FAM120B: variants seen among roughly 807,000 people sequenced by gnomAD.
FAM120B encodes constitutive coactivator of peroxisome proliferator-activated receptor gamma.
A neutral mutation model predicts 96.3 loss-of-function variants in FAM120B; 83 were observed. The ratio of observed to expected loss-of-function variants is 0.86; its 90% confidence interval spans 0.72 to 1.03. FAM120B has a LOEUF of 1.03. Among genes scored for constraint, FAM120B ranks in the 50% least tolerant of loss-of-function variants. FAM120B has a pLI of 0.00. For missense variants in FAM120B, 1,027 were observed against 1,121.2 expected (o/e 0.92, Z 1.20); for synonymous variants, 407 against 402.7 (o/e 1.01, Z -0.13).
chr6:170,298,063 C>T (rs1394076434), intron 1 of FAM120B: 1 of 152,162 alleles, frequency 6.6e-6, no homozygotes, highest in Non-Finnish European at 1.5e-5. Flanking sequence ...ACAATGAGTC[C>T]TTTAGTGCCA....
chr6:170,316,272 T>C (rs1784896117), intron 1 of FAM120B, among the ~76,000 whole-genome samples: 2 of 152,190 alleles, frequency 1.3e-5, no homozygotes, highest in African/African-American at 2.4e-5. Flanking sequence ...GAGATACCCA[T>C]GTGCTTAGTC....
intron 2 of FAM120B, among the ~76,000 whole-genome samples, chr6:170,321,490 G>C (rs1047456862): frequency 6.6e-6 from 1 of 152,154 alleles, no homozygotes; most frequent in Non-Finnish European, 1.5e-5. Context: ...CAATTCTCCT[G>C]CCTCAGCCTC....
chr6:170,333,517 C>CT lies in FAM120B; in HGVS notation c.2017+2985dup, dbSNP rs568919700. On this transcript the variant is annotated intron_variant, in intron 4 of 10. Coordinates refer to ENST00000476287, the MANE Select transcript of FAM120B (RefSeq NM_032448.3). Reference sequence around the variant, plus strand: ...ATGCATATATTTCTGTGAGCCTCATCTTTTTTTTTTTTTTTTTTGAGACAG... The same window carrying CT: ...ATGCATATATTTCTGTGAGCCTCATCTTTTTTTTTTTTTTTTTTTGAGACAG... Among the ~76,000 whole-genome samples, 1,149 of 138,170 alleles carry CT rather than the reference C, an allele frequency of 8.3e-3. 21 individuals carry two copies. The highest frequency in any genetic ancestry group is 0.039 in the East Asian group (183 of 4,642). The allele number at this position is 138,170 out of a possible 152,430, so 90.6% of individuals were successfully genotyped here. A position where few individuals can be genotyped will look rare whatever the true frequency, so the allele number is the denominator to read the frequency against.
intron 6 of FAM120B, among the ~76,000 whole-genome samples, chr6:170,367,887 A>C (rs1294234107): frequency 1.3e-5 from 2 of 152,058 alleles, no homozygotes. Context: ...CTACACAAAG[A>C]CCCTCGCCAT....
chr6:170,294,113 C>G (rs1045114772), upstream of FAM120B, among the ~76,000 whole-genome samples: 1 of 152,184 alleles, frequency 6.6e-6, no homozygotes, highest in Non-Finnish European at 1.5e-5. This position sits in a 1 kb window ranked among gnomAD's most constrained non-coding sequence, Gnocchi z 7.9. Context: ...ACTAAGCACT[C>G]TGAACCCCAC....
chr6:170,384,580 G>C (rs1015960402), intron 6 of FAM120B, among the ~76,000 whole-genome samples: 3 of 152,172 alleles, frequency 2.0e-5, no homozygotes, highest in African/African-American at 7.2e-5. Flanking sequence ...AGCGCCCCAG[G>C]ATTATTTCCG....
At chr6:170,377,122 G>T (rs1368439905) in intron 6 of FAM120B, among the ~76,000 whole-genome samples, 6 of 113,936 alleles carry the variant, frequency 5.3e-5, no homozygotes, top group Non-Finnish European at 1.0e-4. Flanking sequence ...AATCCCAGAT[G>T]CCTGGGAGAA....
At chr6:170,343,358 G>A (rs1387953461) in intron 4 of FAM120B, among the ~76,000 whole-genome samples, 1 of 151,998 alleles carries the variant, frequency 6.6e-6, no homozygotes, top group Admixed American at 6.6e-5. Context: ...CAAAAACCTT[G>A]GAGTATATTA....
chr6:170,334,631 C>A (rs764136997), intron 4 of FAM120B, among the ~76,000 whole-genome samples: 4 of 152,046 alleles, frequency 2.6e-5, no homozygotes, highest in African/African-American at 9.7e-5. Context: ...AGGCTCTGCT[C>A]ATGTGGCTGC....
rs113693721 is a variant in FAM120B at position 170,356,590 on chromosome 6, C to T, written c.2191-1636C>T. Among the ~76,000 whole-genome samples, 822 of 152,262 alleles carry T rather than the reference C, an allele frequency of 5.4e-3. 6 individuals are homozygous for T. Among genetic ancestry groups the T allele is most frequent in the African/African-American group, 0.017 (725 of 41,532 alleles). ...CAGGACCCCCAAGGATGCCAAAATC[C>T]ATGCATCCTCAAGTCCTGCGGTCAG... On this transcript the variant is annotated intron_variant, in intron 5 of 10. Transcript: ENST00000476287.
In FAM120B at chr6:170,407,019, A is replaced by G. The variant is rs985696842; in HGVS notation, c.*2268A>G. 6.6e-6 allele frequency: 1 copy of G among 152,216 alleles called. No individual in the cohort carries two copies. Among genetic ancestry groups the G allele is most frequent in the African/African-American group, 2.4e-5 (1 of 41,450 alleles). The allele number at this position is 152,216 out of a possible 1,614,324, so 9.4% of individuals were successfully genotyped here. A position where few individuals can be genotyped will look rare whatever the true frequency, so the allele number is the denominator to read the frequency against. ...AGTCAAGTCTTCTGATGAAATTTCC[A>G]TATATCAAATTGAAAATAAAGCAAA... On this transcript the variant is annotated 3_prime_UTR_variant, in exon 11 of 11. Transcript: ENST00000476287.
At chr6:170,302,126 A>G (rs959527169), upstream of FAM120B, among the ~76,000 whole-genome samples, 2 of 152,232 alleles carry the variant, frequency 1.3e-5, no homozygotes, top group Non-Finnish European at 2.9e-5. Flanking sequence ...TTTATAAAGG[A>G]AAGAGGTTTA....
In FAM120B at chr6:170,357,067, T is replaced by C. The variant is rs528693546; in HGVS notation, c.2191-1159T>C. ...TGATTTATGGTGGGGTTGTTTTTAT[T>C]GCAAATAGGCATGTTAGCCATTTTT... On this transcript the variant is annotated intron_variant, in intron 5 of 10. Coordinates refer to ENST00000476287, the MANE Select transcript of FAM120B (RefSeq NM_032448.3). Among the ~76,000 whole-genome samples the C allele has an allele frequency of 2.6e-5, 4 of 152,278 alleles. No homozygotes were observed. In the East Asian group the frequency reaches 7.7e-4, roughly 29 times the overall value.
chr6:170,321,783 G>A (rs1785304801), intron 2 of FAM120B, among the ~76,000 whole-genome samples: 1 of 152,252 alleles, frequency 6.6e-6, no homozygotes. Flanking sequence ...AGTAGTCCTG[G>A]GAGCCGGGCA....
chr6:170,342,467 C>T (rs1281970065), intron 4 of FAM120B, among the ~76,000 whole-genome samples: 1 of 152,206 alleles, frequency 6.6e-6, no homozygotes, highest in African/African-American at 2.4e-5. Context: ...CATGTAAGTG[C>T]CATGGCTTAG....
chr6:170,386,147 G>T (rs1203220825), intron 6 of FAM120B, among the ~76,000 whole-genome samples: 1 of 152,146 alleles, frequency 6.6e-6, no homozygotes, highest in Non-Finnish European at 1.5e-5. Context: ...GTGTGGGTTT[G>T]CCGATTGTAA....
At chr6:170,291,210 T>G (rs1783861962), upstream of FAM120B, 1 of 573,488 alleles carries the variant, frequency 1.7e-6, no homozygotes, top group African/African-American at 1.9e-5. Flanking sequence ...TCCTGCAAAA[T>G]GTTCACCGCA....
chr6:170,349,428 C>T (rs1182947405), intron 5 of FAM120B, among the ~76,000 whole-genome samples: 1 of 152,200 alleles, frequency 6.6e-6, no homozygotes, highest in African/African-American at 2.4e-5. Context: ...TGTAGAAATA[C>T]ATCTCAAGGG....
chr6:170,361,198 GTATATATATATATATATATATATA>G lies in FAM120B; in HGVS notation c.2283+2895_2283+2918del, dbSNP rs71010657. The stretch of plus-strand genomic sequence containing the variant: ...GCCTTAAAACTATATATATATACGT[GTATATATATATATATATATATATA>G]TATATATATATATACACGTATATAT... On this transcript the variant is annotated intron_variant, in intron 6 of 10. Transcript: ENST00000476287. Among the ~76,000 whole-genome samples, 34 of 66,038 alleles carry G rather than the reference GTATATATATATATATATATATATA, an allele frequency of 5.1e-4. 1 individual carries two copies. The highest frequency in any genetic ancestry group is 5.3e-4 in the Non-Finnish European group (19 of 35,830). 43.3% of individuals were successfully genotyped at this position (66,038 alleles called of 152,430 possible).
Sources: gnomAD v4.1 joint callset for allele counts (sites outside exome capture counted in the v4.1 genomes callset) on GRCh38, gnomAD v4.1.1 for gene constraint, Gnocchi (gnomAD v3.1) non-coding constraint, MANE v1.5 for transcripts, NCBI Gene and HGNC (gene_info 2026-07-23, HGNC 2026-07-21) for gene names.